LCA5L: variants seen among roughly 807,000 people sequenced by gnomAD.
LCA5L encodes the protein lebercilin-like protein.
In LCA5L, 35 loss-of-function variants were observed where a neutral mutation model predicts 45.4. That is an observed-to-expected ratio of 0.77 (90% CI 0.59 to 1.02). The LOEUF (loss-of-function observed/expected upper bound fraction) is 1.02. Ranked by LOEUF, LCA5L falls within the 50% of genes least tolerant of loss-of-function variation. The probability of loss-of-function intolerance (pLI) is 0.00; values close to 1 mark genes in which losing one functional copy is unlikely to be tolerated. For missense variants in LCA5L, 668 were observed against 761.6 expected (o/e 0.88, Z 1.45); for synonymous variants, 233 against 264.7 (o/e 0.88, Z 1.16).
intron 5 of LCA5L, among the ~76,000 whole-genome samples, chr21:39,425,204 T>C (rs1231864422): frequency 6.6e-6 from 1 of 152,210 alleles, no homozygotes; most frequent in African/African-American, 2.4e-5. Flanking sequence ...TAGTGGCCAG[T>C]GTCACCCAAG....
chr21:39,415,029 G>A (rs1239073694), intron 7 of LCA5L, among the ~76,000 whole-genome samples: 2 of 152,062 alleles, frequency 1.3e-5, no homozygotes, highest in African/African-American at 4.8e-5. Flanking sequence ...AGCCTCTGGA[G>A]TAGCTGGGAT....
chr21:39,410,719 C>T, intron 8 of LCA5L: 2 of 398,830 alleles, frequency 5.0e-6, no homozygotes, highest in Admixed American at 6.3e-5. Flanking sequence ...TCTTGATTAT[C>T]AGTGGTTAGA....
intron 1 of LCA5L, 187 bp downstream of exon 1, chr21:39,445,537 TC>T (rs529330341): frequency 2.0e-5 from 3 of 152,756 alleles, no homozygotes; most frequent in East Asian, 1.9e-4. Context: ...GGGTAGCTGT[TC>T]CTTGGCAAAC....
chr21:39,440,998 T>C (rs1309888024), intron 2 of LCA5L, among the ~76,000 whole-genome samples: 2 of 152,156 alleles, frequency 1.3e-5, no homozygotes, highest in East Asian at 1.9e-4. Flanking sequence ...GCTTCAGAAA[T>C]TTTGCGAGTC....
At chr21:39,419,990 ATC>A (rs2042011797) in intron 7 of LCA5L, among the ~76,000 whole-genome samples, 1 of 152,222 alleles carries the variant, frequency 6.6e-6, no homozygotes, top group African/African-American at 2.4e-5. Flanking sequence ...ATTAAAATTT[ATC>A]TTAAATATTA....
chr21:39,441,672 A>G (rs1336189983), intron 2 of LCA5L, among the ~76,000 whole-genome samples: 2 of 152,212 alleles, frequency 1.3e-5, no homozygotes, highest in Admixed American at 6.5e-5. Context: ...CCTTCAGGAT[A>G]AGAACCCGTG....
Position 39,409,880 on chromosome 21 carries a change from T to G in LCA5L, c.1282+99A>C. On this transcript the variant is annotated intron_variant, in intron 10 of 10. Transcript: ENST00000288350. This position sits in a 1 kb window ranked among gnomAD's most constrained non-coding sequence, Gnocchi z 4.2. ...AAGTGCTGGGATTACAGGTGCGAGC[T>G]GCCATGCCCAGCTGTTTTATGTGTG... 2 of 686,278 alleles carry G rather than the reference T, an allele frequency of 2.9e-6. No homozygotes were observed. The highest frequency in any genetic ancestry group is 3.8e-5 in the South Asian group (2 of 52,136). The allele number at this position is 686,278 out of a possible 1,614,324, so 42.5% of individuals were successfully genotyped here.
chr21:39,422,583 T>C (rs1258595874), intron 6 of LCA5L: 2 of 268,636 alleles, frequency 7.4e-6, no homozygotes, highest in Non-Finnish European at 6.9e-6. Context: ...TTTAGGGAAG[T>C]AGCCTTTTAA....
chr21:39,406,653 A>C (rs2039106978), intron 10 of LCA5L, 41 bp from the exon 11 acceptor site: 1 of 1,446,786 alleles, frequency 6.9e-7, no homozygotes. Flanking sequence ...GTTTAAAATG[A>C]ATGGATCTCT....
intron 7 of LCA5L, among the ~76,000 whole-genome samples, chr21:39,414,740 CTCTGTG>C (rs1280791279): frequency 1.5e-4 from 16 of 104,062 alleles, no homozygotes; most frequent in African/African-American, 5.2e-4. Flanking sequence ...CTCTCTCTCT[CTCTGTG>C]TGTGTGTGTG....
intron 2 of LCA5L, among the ~76,000 whole-genome samples, chr21:39,440,233 A>G (rs1226379547): frequency 6.6e-6 from 1 of 152,144 alleles, no homozygotes; most frequent in African/African-American, 2.4e-5. Context: ...GAAATGGATG[A>G]TCCTAAGCCT....
intron 7 of LCA5L, among the ~76,000 whole-genome samples, 184 bp downstream of exon 7, chr21:39,420,522 C>A (rs868134671): frequency 2.1e-3 from 185 of 87,092 alleles, no homozygotes; most frequent in South Asian, 5.1e-3. Flanking sequence ...GATTCTATCT[C>A]AAAAAAAAAA....
intron 4 of LCA5L, among the ~76,000 whole-genome samples, chr21:39,428,859 C>T (rs2075326496): frequency 6.6e-6 from 1 of 151,464 alleles, no homozygotes; most frequent in Non-Finnish European, 1.5e-5. Context: ...AGTGATCCTC[C>T]CACCTTGGTC....
chr21:39,415,765 T>C (rs2041029722), intron 7 of LCA5L, among the ~76,000 whole-genome samples: 1 of 152,202 alleles, frequency 6.6e-6, no homozygotes, highest in Non-Finnish European at 1.5e-5. Context: ...CACTCTCACC[T>C]CTTATTTTTT....
At chr21:39,444,013 G>C (rs558634495) in intron 2 of LCA5L, 122 bp downstream of exon 2, 1 of 147,196 alleles carries the variant, frequency 6.8e-6, no homozygotes, top group Non-Finnish European at 1.5e-5. Flanking sequence ...CTGGCCGACA[G>C]AGTAAGGCTC....
rs1318963015 is a variant in LCA5L, at chr21:39,428,252, T to C, written c.242A>G (p.Asn81Ser). 2 of 1,605,542 alleles carry C rather than the reference T, an allele frequency of 1.2e-6. No homozygotes were observed. ...CACAGGCTGCTTTAAATAATTTCTA[T>C]TAATAGCCTTTTCTGAACAATCACA... is the stretch of plus-strand genomic sequence containing the variant. ...FLCDCSEKAI[N>S]RNYLKQPVVK... Residue 81 changes from asparagine (N) to serine (S), a missense_variant, in exon 5 of 11, where the codon AAT (asparagine) becomes AGT (serine). Physicochemically the swap from Asn to Ser is conservative, Grantham distance 46. Transcript: ENST00000288350.
At chr21:39,411,041 G>C (rs2040009287) in intron 8 of LCA5L, 1 of 410,216 alleles carries the variant, frequency 2.4e-6, no homozygotes, top group Admixed American at 2.9e-5. Flanking sequence ...ACCAATGAGA[G>C]GTATACACTA....
intron 7 of LCA5L, among the ~76,000 whole-genome samples, chr21:39,418,206 C>T (rs986929586): frequency 6.6e-6 from 1 of 152,158 alleles, no homozygotes; most frequent in Non-Finnish European, 1.5e-5. Flanking sequence ...GTGGGAGCTA[C>T]AATTCAAGAT....
At chr21:39,421,301 T>A (rs1420150644) in intron 6 of LCA5L, among the ~76,000 whole-genome samples, 2 of 152,100 alleles carry the variant, frequency 1.3e-5, no homozygotes, top group African/African-American at 4.8e-5. Flanking sequence ...AGGGTTTTGC[T>A]GTGTTGGCCA....
Sources: allele counts gnomAD v4.1 joint callset (sites outside exome capture counted in the v4.1 genomes callset), GRCh38; gene constraint gnomAD v4.1.1; non-coding constraint Gnocchi (gnomAD v3.1); transcripts MANE v1.5; gene names NCBI Gene and HGNC (gene_info 2026-07-23, HGNC 2026-07-21).